The following COL4A5 variants were observed in gnomAD, a reference collection of about 807,000 sequenced individuals.
COL4A5 encodes the protein collagen type IV alpha 5 chain, also known as collagen alpha-5(IV) chain.
In COL4A5, 26 loss-of-function variants were observed where a neutral mutation model predicts 130.2. The ratio of observed to expected loss-of-function variants is 0.20; its 90% CI spans 0.15 to 0.28. COL4A5 has a LOEUF of 0.28. Among genes scored for constraint, COL4A5 ranks in the 10% least tolerant of loss-of-function variants. The pLI, the probability that COL4A5 is intolerant of heterozygous loss-of-function variation, is 1.00. For synonymous variants in COL4A5, 496 were observed against 439.6 expected, an observed-to-expected ratio of 1.13 and a Z score of -1.60; for missense variants, 1,131 against 1,344.3, an observed-to-expected ratio of 0.84 and a Z score of 2.48.
chrX:108,646,851 T>C (rs2067601469), intron 36 of COL4A5, among the ~76,000 whole-genome samples: 1 of 110,934 alleles, frequency 9.0e-6, no homozygotes, highest in South Asian at 3.8e-4. Context: ...CTTTCCCCAT[T>C]GCTTGTTTTT....
At chrX:108,634,041 A>G (rs149821293) in intron 36 of COL4A5, among the ~76,000 whole-genome samples, 1,323 of 111,116 alleles carry the variant, frequency 0.012, 6 homozygotes, top group Non-Finnish European at 0.021. Flanking sequence ...CAGTAATTTC[A>G]CTTCTTTCAA....
At chrX:108,665,829 T>A (rs1355057617) in intron 38 of COL4A5, among the ~76,000 whole-genome samples, 1 of 111,990 alleles carries the variant, frequency 8.9e-6, no homozygotes, top group Non-Finnish European at 1.9e-5. Flanking sequence ...GGTGGGAGGA[T>A]CACTTGAGGT....
At chrX:108,571,576 G>A (rs2066065393) in intron 7 of COL4A5, 110 bp downstream of exon 7, 1 of 659,085 alleles carries the variant, frequency 1.5e-6, no homozygotes. Context: ...ACATTTTAAA[G>A]TAATAAACTA....
intron 42 of COL4A5, among the ~76,000 whole-genome samples, chrX:108,673,730 AATAAT>A (rs2068248924): frequency 9.3e-6 from 1 of 107,103 alleles, no homozygotes. Flanking sequence ...GTACTATAAT[AATAAT>A]ATAATAATAA....
chrX:108,479,370 C>A (rs1335397405), intron 1 of COL4A5, among the ~76,000 whole-genome samples: 1 of 112,615 alleles, frequency 8.9e-6, no homozygotes, highest in African/African-American at 3.2e-5. Flanking sequence ...CTGGCCATTT[C>A]TCCTTCCATG....
intron 1 of COL4A5, among the ~76,000 whole-genome samples, chrX:108,521,367 A>G (rs1220280771): frequency 9.0e-6 from 1 of 111,110 alleles, no homozygotes; most frequent in East Asian, 2.8e-4. Flanking sequence ...AGGATCTGTT[A>G]TAATGAATAA....
At chrX:108,693,448 G>T (rs1298833509) in intron 50 of COL4A5, among the ~76,000 whole-genome samples, 2 of 111,698 alleles carry the variant, frequency 1.8e-5, no homozygotes, top group Admixed American at 9.5e-5. Context: ...TGGGAGAAAA[G>T]ATTGTAAAGT....
chrX:108,623,658 C>CATGTGT (rs972767937), intron 33 of COL4A5, among the ~76,000 whole-genome samples: 3 of 111,417 alleles, frequency 2.7e-5, no homozygotes, highest in African/African-American at 6.5e-5. Context: ...ATTGTCAGTT[C>CATGTGT]ATGTGTATGT....
chrX:108,601,341 C>A (rs745868412), intron 25 of COL4A5, 52 bp from the exon 26 acceptor site: 23 of 847,991 alleles, frequency 2.7e-5, no homozygotes, highest in Non-Finnish European at 3.8e-5. Flanking sequence ...AAAAAGAGAC[C>A]TTTAGTTGAG....
chrX:108,441,103 G>C (rs1462454168), intron 1 of COL4A5, among the ~76,000 whole-genome samples: 4 of 110,688 alleles, frequency 3.6e-5, no homozygotes, highest in Non-Finnish European at 5.6e-5. Flanking sequence ...AAGGGTATCT[G>C]GGTAGTCCCA....
At chrX:108,566,539 T>G (rs1236576869) in intron 4 of COL4A5, among the ~76,000 whole-genome samples, 6 of 103,682 alleles carry the variant, frequency 5.8e-5, no homozygotes, top group South Asian at 4.1e-4. Context: ...AATGTTAGGG[T>G]TTTTTTTTTT....
chrX:108,575,184 T>TA (rs1216863208), intron 9 of COL4A5, among the ~76,000 whole-genome samples: 1 of 111,840 alleles, frequency 8.9e-6, no homozygotes, highest in Non-Finnish European at 1.9e-5. Context: ...ACATGCCAAA[T>TA]TATTCCATAA....
intron 1 of COL4A5, among the ~76,000 whole-genome samples, chrX:108,467,280 C>T (rs1262893773): frequency 8.9e-6 from 1 of 111,782 alleles, no homozygotes; most frequent in South Asian, 3.7e-4. Context: ...ATTGACTAGT[C>T]TAGGCACCCT....
At chrX:108,607,228 A>G (rs984209967) in intron 29 of COL4A5, among the ~76,000 whole-genome samples, 1 of 107,589 alleles carries the variant, frequency 9.3e-6, no homozygotes, top group Non-Finnish European at 1.9e-5. Context: ...TTAGCCGGGC[A>G]TGGTGGCACA....
chrX:108,448,621 A>G (rs1475166249), intron 1 of COL4A5, among the ~76,000 whole-genome samples: 2 of 111,920 alleles, frequency 1.8e-5, no homozygotes, highest in Non-Finnish European at 3.8e-5. Context: ...TATTCTCACA[A>G]TTTAATTGAT....
At chrX:108,682,128 A>G (rs1031783656) in intron 47 of COL4A5, among the ~76,000 whole-genome samples, 4 of 109,870 alleles carry the variant, frequency 3.6e-5, no homozygotes, top group African/African-American at 1.3e-4. Flanking sequence ...TCATTGTTCA[A>G]CTCCCACTTA....
rs56999976 is a variant in COL4A5 at position 108,601,000 on chromosome X, A to T, written c.1949-393A>T. 4.3e-3 allele frequency among the ~76,000 whole-genome samples: 481 copies of T among 111,532 alleles called. 4 individuals are homozygous for T. Among genetic ancestry groups the T allele is most frequent in the African/African-American group, 0.014 (432 of 30,664 alleles). On this transcript the variant is annotated intron_variant, in intron 25 of 52. Transcript: ENST00000328300. ...CCTCAGCTGATTGGATGGTACCCAC[A>T]CACATTGGGTGAGGGTGGATCATCC...
At chrX:108,685,961 A>G in intron 47 of COL4A5, 70 bp from the exon 48 acceptor site, 1 of 911,758 alleles carries the variant, frequency 1.1e-6, no homozygotes, top group Non-Finnish European at 1.6e-6. Flanking sequence ...CGAGAACCTT[A>G]TGTCTCCTAG....
intron 19 of COL4A5, among the ~76,000 whole-genome samples, chrX:108,587,772 G>A (rs1240968184): frequency 9.0e-6 from 1 of 110,646 alleles, no homozygotes; most frequent in Non-Finnish European, 1.9e-5. Flanking sequence ...CTGCATCCTT[G>A]CAGCATCTGT....
Sources: allele counts gnomAD v4.1 joint callset (sites outside exome capture counted in the v4.1 genomes callset), GRCh38; gene constraint gnomAD v4.1.1; transcripts MANE v1.5; gene names NCBI Gene and HGNC (gene_info 2026-07-23, HGNC 2026-07-21).